PON3: variants seen among roughly 807,000 people sequenced by gnomAD.
PON3 encodes the protein paraoxonase 3.
A neutral mutation model predicts 36.3 loss-of-function variants in PON3; 37 were observed. The ratio of observed to expected loss-of-function variants is 1.02; its 90% confidence interval spans 0.78 to 1.34. The LOEUF (loss-of-function observed/expected upper bound fraction) is 1.34. Among genes scored for constraint, PON3 ranks in the 40% most tolerant of loss-of-function variants. The pLI, the probability that PON3 is intolerant of heterozygous loss-of-function variation, is 0.00. For synonymous variants in PON3, 155 were observed against 154.8 expected (o/e 1.00, Z -0.01); for missense variants, 415 against 426.5 (o/e 0.97, Z 0.24).
intron 3 of PON3, among the ~76,000 whole-genome samples, chr7:95,389,401 A>G (rs1045509665): frequency 1.3e-5 from 2 of 152,208 alleles, no homozygotes; most frequent in African/African-American, 4.8e-5. Flanking sequence ...CCCAAATGGA[A>G]TATTAGACAT....
chr7:95,391,972 T>C (rs1268555168), intron 2 of PON3, among the ~76,000 whole-genome samples: 2 of 152,228 alleles, frequency 1.3e-5, no homozygotes, highest in Non-Finnish European at 2.9e-5. Flanking sequence ...GCTCATAAGC[T>C]AAGCCCATCA....
chr7:95,365,655 T>C (rs974221299), intron 5 of PON3: 1 of 152,212 alleles, frequency 6.6e-6, no homozygotes, highest in African/African-American at 2.4e-5. Context: ...ACAAACTCAG[T>C]GGCTTAAACA....
chr7:95,368,472 A>G lies in PON3; in HGVS notation c.368-984T>C, dbSNP rs900979202. Among the ~76,000 whole-genome samples, 7 of 152,340 alleles carry G rather than the reference A, an allele frequency of 4.6e-5. No homozygotes were observed. The South Asian group carries it at 1.0e-3, about 23-fold the overall frequency. ...AGGCTCAGGGCGTGGCAAACAGAAC[A>G]TGGGTTGGATTTCAGCCCCAACACG... On this transcript the variant is annotated intron_variant, in intron 4 of 8. Coordinates refer to ENST00000265627, the MANE Select transcript of PON3 (RefSeq NM_000940.3).
intron 1 of PON3, among the ~76,000 whole-genome samples, chr7:95,395,033 GCA>G (rs369508448): frequency 2.7e-4 from 41 of 152,246 alleles, no homozygotes; most frequent in Admixed American, 1.5e-3. Context: ...TAATTTAAAT[GCA>G]CGAAATAGCC....
intron 3 of PON3, among the ~76,000 whole-genome samples, chr7:95,384,371 A>T (rs1051514098): frequency 2.6e-5 from 4 of 152,214 alleles, no homozygotes; most frequent in Non-Finnish European, 5.9e-5. Flanking sequence ...CATTAAACTA[A>T]AGAGCTTCTG....
chr7:95,390,156 T>G lies in PON3; in HGVS notation c.199A>C (p.Ser67Arg). ...ILPSGLAFIS[S>R]GLKYPGMPNF... ...AGAGCAGCATGGAAAATACTCACAC[T>G]GGAGATAAAAGCCAGCCCACTAGGA... The change falls in exon 3 of 9, where the codon AGT becomes CGT. Residue 67 changes from serine to arginine, a missense_variant and splice_region_variant. By Grantham distance (110) the Ser-to-Arg change is moderately radical. Transcript: ENST00000265627. The G allele has an allele frequency of 6.2e-7, 1 of 1,605,634 alleles. No homozygotes were observed. Among genetic ancestry groups the G allele is most frequent in the Non-Finnish European group, 8.5e-7 (1 of 1,172,334 alleles).
At chr7:95,385,629 C>T (rs888946510) in intron 3 of PON3, among the ~76,000 whole-genome samples, 3 of 152,140 alleles carry the variant, frequency 2.0e-5, no homozygotes, top group African/African-American at 7.2e-5. Flanking sequence ...CTTCTCAGCA[C>T]CACATCGCAC....
At chr7:95,382,232 T>G (rs571227806) in intron 3 of PON3, among the ~76,000 whole-genome samples, 44 of 152,272 alleles carry the variant, frequency 2.9e-4, no homozygotes, top group Admixed American at 7.8e-4. Flanking sequence ...TAGCACTAAA[T>G]GCCCACAAGA....
chr7:95,389,144 TC>T (rs1809263914), intron 3 of PON3, among the ~76,000 whole-genome samples: 1 of 152,148 alleles, frequency 6.6e-6, no homozygotes, highest in Admixed American at 6.5e-5. Context: ...AAAAAACTTT[TC>T]TAGACCATTT....
intron 3 of PON3, among the ~76,000 whole-genome samples, chr7:95,385,209 A>G (rs977475086): frequency 5.9e-5 from 9 of 152,012 alleles, no homozygotes; most frequent in Non-Finnish European, 1.2e-4. Context: ...GTTGTGGGGT[A>G]GGGGGAAGAG....
chr7:95,380,374 G>A (rs1192861162), intron 3 of PON3, among the ~76,000 whole-genome samples: 1 of 152,244 alleles, frequency 6.6e-6, no homozygotes, highest in Non-Finnish European at 1.5e-5. Flanking sequence ...TGAGTTGAGA[G>A]AAGAAGGTTT....
intron 4 of PON3, among the ~76,000 whole-genome samples, 199 bp downstream of exon 4, chr7:95,371,974 A>G (rs1365618384): frequency 6.6e-6 from 1 of 152,142 alleles, no homozygotes; most frequent in Non-Finnish European, 1.5e-5. Context: ...GGAGGAGGCC[A>G]CATAGGGCCA....
At chr7:95,384,568 A>T (rs1809143986) in intron 3 of PON3, among the ~76,000 whole-genome samples, 1 of 152,214 alleles carries the variant, frequency 6.6e-6, no homozygotes, top group South Asian at 2.1e-4. Context: ...TCAAAAGAAG[A>T]CATTTATGCA....
intron 3 of PON3, among the ~76,000 whole-genome samples, chr7:95,379,279 AC>A (rs1235882231): frequency 2.6e-5 from 4 of 152,372 alleles, no homozygotes; most frequent in African/African-American, 9.6e-5. Context: ...AGCATGAGCG[AC>A]ACAGAAGACT....
chr7:95,396,247 T>C (rs773968246), intron 1 of PON3, 30 bp downstream of exon 1: 6 of 1,608,264 alleles, frequency 3.7e-6, no homozygotes, highest in Non-Finnish European at 5.1e-6. Context: ...AGAAAGAGAG[T>C]CGAAGACGCC....
chr7:95,394,487 C>T (rs991294915), intron 2 of PON3, among the ~76,000 whole-genome samples, 157 bp downstream of exon 2: 1 of 152,144 alleles, frequency 6.6e-6, no homozygotes, highest in Non-Finnish European at 1.5e-5. Context: ...ATTTAGTACA[C>T]CCCTGAAGAC....
Position 95,360,149 on chromosome 7 carries a change from T to A in PON3, c.907-18A>T, listed in dbSNP as rs755335386. ...CGAAGTACCTGTCGAGAAAAGATCGTTTATTAGTATATTATGTGAGTAAAC... is the reference window on the plus strand; with the variant it reads ...CGAAGTACCTGTCGAGAAAAGATCGATTATTAGTATATTATGTGAGTAAAC... On this transcript the variant is annotated intron_variant, in intron 8 of 8. Coordinates refer to ENST00000265627, the MANE Select transcript of PON3 (RefSeq NM_000940.3). 20 of 1,605,988 alleles carry A rather than the reference T, an allele frequency of 1.2e-5. No homozygotes were observed. The highest frequency in any genetic ancestry group is 1.7e-5 in the Non-Finnish European group (20 of 1,172,704).
intron 3 of PON3, among the ~76,000 whole-genome samples, chr7:95,385,124 G>A (rs994708399): frequency 1.3e-5 from 2 of 152,078 alleles, no homozygotes; most frequent in East Asian, 1.9e-4. Context: ...AACACTGCAT[G>A]TTCTCACTCA....
rs1198458467 is a variant in PON3 at position 95,390,156 on chromosome 7, T to C, written c.199A>G (p.Ser67Gly). The change falls in exon 3 of 9, where the codon AGT becomes GGT. Residue 67 changes from serine (S) to glycine (G), a missense_variant and splice_region_variant. Transcript: ENST00000265627. ...AGAGCAGCATGGAAAATACTCACAC[T>C]GGAGATAAAAGCCAGCCCACTAGGA... is the stretch of plus-strand genomic sequence containing the variant. ...ILPSGLAFIS[S>G]GLKYPGMPNF... The C allele has an allele frequency of 6.2e-7, 1 of 1,605,634 alleles. No homozygotes were observed. The highest frequency in any genetic ancestry group is 8.5e-7 in the Non-Finnish European group (1 of 1,172,334).
Sources: gnomAD v4.1 joint callset for allele counts (sites outside exome capture counted in the v4.1 genomes callset) on GRCh38, gnomAD v4.1.1 for gene constraint, MANE v1.5 for transcripts, NCBI Gene and HGNC (gene_info 2026-07-23, HGNC 2026-07-21) for gene names.